OSBPL10: variants seen among roughly 807,000 people sequenced by gnomAD.
OSBPL10 encodes the protein oxysterol-binding protein-related protein 10.
A neutral mutation model predicts 81.7 loss-of-function variants in OSBPL10; 49 were observed. The observed-to-expected ratio is 0.60, with a 90% CI of 0.48 to 0.76. The LOEUF (loss-of-function observed/expected upper bound fraction) is 0.76, where lower values mean the gene tolerates loss of function less well. Among genes scored for constraint, OSBPL10 ranks in the 30% least tolerant of loss-of-function variants. OSBPL10 has a pLI of 0.00. For missense variants in OSBPL10, 923 were observed against 987.8 expected (o/e 0.93, Z 0.88); for synonymous variants, 419 against 383.6 (o/e 1.09, Z -1.08).
At chr3:31,822,938 GA>G (rs71097448) in intron 4 of OSBPL10, among the ~76,000 whole-genome samples, 93,359 of 131,474 alleles carry the variant, frequency 0.71, 33,723 homozygotes, top group East Asian at 0.88. Flanking sequence ...AGTTAAAATA[GA>G]AAAAAAAATA....
intron 1 of OSBPL10, among the ~76,000 whole-genome samples, chr3:31,886,329 A>AG (rs1442908170): frequency 6.6e-6 from 1 of 152,188 alleles, no homozygotes; most frequent in Non-Finnish European, 1.5e-5. Flanking sequence ...AGAGGGGCTC[A>AG]GGCTCCTCTT....
chr3:32,011,108 C>T (rs539066693), intron 2 of OSBPL10, among the ~76,000 whole-genome samples: 31 of 152,268 alleles, frequency 2.0e-4, no homozygotes, highest in East Asian at 5.8e-4. Flanking sequence ...TCTCCCAGCA[C>T]GCAGCTTGAG....
chr3:31,951,485 A>G (rs1453854266), intron 1 of OSBPL10, among the ~76,000 whole-genome samples: 1 of 152,062 alleles, frequency 6.6e-6, no homozygotes, highest in Non-Finnish European at 1.5e-5. Context: ...ATTGAGTTGA[A>G]GAAGAATACT....
intron 8 of OSBPL10, among the ~76,000 whole-genome samples, chr3:31,682,878 C>T (rs774666397): frequency 6.6e-6 from 1 of 152,110 alleles, no homozygotes; most frequent in African/African-American, 2.4e-5. Flanking sequence ...GAAAGGTGCT[C>T]TTATCTCATG....
intron 6 of OSBPL10, among the ~76,000 whole-genome samples, chr3:31,724,834 A>C (rs1696757345): frequency 6.6e-6 from 1 of 152,200 alleles, no homozygotes; most frequent in African/African-American, 2.4e-5. Context: ...AGGAGGGCAG[A>C]AAGATGCTGT....
chr3:32,028,653 C>T (rs922662256), intron 2 of OSBPL10, among the ~76,000 whole-genome samples: 1 of 152,080 alleles, frequency 6.6e-6, no homozygotes, highest in Admixed American at 6.6e-5. Context: ...ATTTTATGCT[C>T]TTTAAGGAGT....
chr3:31,990,795 C>T lies in OSBPL10; in HGVS notation n.298+55696G>A, dbSNP rs371409662. 143 of 1,610,140 alleles carry T rather than the reference C, an allele frequency of 8.9e-5. No individual in the cohort carries two copies. The African/African-American group carries it at 1.3e-3, about 15-fold the overall frequency. The stretch of plus-strand genomic sequence containing the variant: ...AACCTTACAAATGTGATGATTTTGA[C>T]GAGGCCTTCAGTCAAGCTTCATCTT... On this transcript the variant is annotated intron_variant and non_coding_transcript_variant, in intron 2 of 3. Coordinates refer to the OSBPL10 transcript ENST00000479173.
chr3:31,955,278 C>A (rs1256466740), intron 1 of OSBPL10, among the ~76,000 whole-genome samples: 1 of 152,228 alleles, frequency 6.6e-6, no homozygotes, highest in African/African-American at 2.4e-5. Context: ...CTGGTCTTAC[C>A]ATCACAACTT....
intron 1 of OSBPL10, among the ~76,000 whole-genome samples, chr3:31,945,675 GCTCCC>G (rs1411102980): frequency 1.3e-5 from 2 of 152,130 alleles, no homozygotes; most frequent in South Asian, 4.1e-4. Context: ...AGGTCTCCAT[GCTCCC>G]ACCTTCTCCA....
At chr3:31,686,325 T>C (rs758278005) in intron 7 of OSBPL10, among the ~76,000 whole-genome samples, 8 of 152,174 alleles carry the variant, frequency 5.3e-5, no homozygotes, top group Non-Finnish European at 8.8e-5. Flanking sequence ...AACAGCAAAG[T>C]ACAGAAATTT....
chr3:31,978,524 T>G (rs1559540110), intron 1 of OSBPL10, among the ~76,000 whole-genome samples: 1 of 152,178 alleles, frequency 6.6e-6, no homozygotes, highest in Non-Finnish European at 1.5e-5. Flanking sequence ...AAGGGAGAAT[T>G]TTGCAAGCAC....
At chr3:31,663,327 G>A in intron 11 of OSBPL10, 1 of 985,430 alleles carries the variant, frequency 1.0e-6, no homozygotes, top group Non-Finnish European at 1.2e-6. Flanking sequence ...AAGATGAGTG[G>A]CATCTGCCCC....
chr3:31,786,635 C>T (rs1698866739), intron 4 of OSBPL10, among the ~76,000 whole-genome samples: 1 of 152,096 alleles, frequency 6.6e-6, no homozygotes, highest in Non-Finnish European at 1.5e-5. Flanking sequence ...TCCAAAGAGC[C>T]CTACCTCTTA....
chr3:31,917,908 A>G (rs1160473902), intron 1 of OSBPL10, among the ~76,000 whole-genome samples: 1 of 151,930 alleles, frequency 6.6e-6, no homozygotes, highest in Non-Finnish European at 1.5e-5. Flanking sequence ...AGGGACTCTG[A>G]TTAAATCTTT....
At chr3:31,672,899 AT>A (rs1323850834) in intron 8 of OSBPL10, among the ~76,000 whole-genome samples, 1 of 152,138 alleles carries the variant, frequency 6.6e-6, no homozygotes, top group Admixed American at 6.5e-5. Flanking sequence ...CTGCATTTAC[AT>A]CCTATCTTTC....
intron 5 of OSBPL10, 47 bp from the exon 6 acceptor site, chr3:31,733,458 A>T (rs1475657840): frequency 6.2e-7 from 1 of 1,609,674 alleles, no homozygotes; most frequent in South Asian, 1.1e-5. Flanking sequence ...CAAATTAAAC[A>T]TTTATAGCTC....
chr3:31,861,802 C>G (rs1317025389), intron 3 of OSBPL10, among the ~76,000 whole-genome samples: 1 of 152,152 alleles, frequency 6.6e-6, no homozygotes, highest in Non-Finnish European at 1.5e-5. Context: ...GTGGCATCAC[C>G]TCGGGTGACT....
chr3:32,013,160 T>C (rs1319360042), intron 2 of OSBPL10, among the ~76,000 whole-genome samples: 1 of 152,036 alleles, frequency 6.6e-6, no homozygotes, highest in African/African-American at 2.4e-5. Flanking sequence ...AGCACCACAC[T>C]GCACTTATTC....
At chr3:32,042,294 C>T (rs1699583735) in intron 2 of OSBPL10, among the ~76,000 whole-genome samples, 4 of 152,182 alleles carry the variant, frequency 2.6e-5, no homozygotes, top group Admixed American at 2.0e-4. Flanking sequence ...CCTGTTGCAC[C>T]CTTTCTGAAT....
Sources: gnomAD v4.1 joint callset for allele counts (sites outside exome capture counted in the v4.1 genomes callset) on GRCh38, gnomAD v4.1.1 for gene constraint, MANE v1.5 for transcripts, NCBI Gene and HGNC (gene_info 2026-07-23, HGNC 2026-07-21) for gene names.